ST6GALNAC5: variants seen among roughly 807,000 people sequenced by gnomAD.
ST6GALNAC5 encodes alpha-N-acetylgalactosaminide alpha-2,6-sialyltransferase 5.
In ST6GALNAC5, 27 loss-of-function variants were observed where a neutral mutation model predicts 33.6. The ratio of observed to expected loss-of-function variants is 0.80; its 90% CI spans 0.59 to 1.11. The LOEUF (loss-of-function observed/expected upper bound fraction) is 1.11. Among genes scored for constraint, ST6GALNAC5 ranks in the 50% least tolerant of loss-of-function variants. The pLI is 0.00. For missense variants in ST6GALNAC5, 428 were observed against 454.0 expected, an observed-to-expected ratio of 0.94 and a Z score of 0.52; for synonymous variants, 194 against 171.2, an observed-to-expected ratio of 1.13 and a Z score of -1.04.
At chr1:76,898,589 A>G (rs1383288791) in intron 2 of ST6GALNAC5, among the ~76,000 whole-genome samples, 1 of 152,164 alleles carries the variant, frequency 6.6e-6, no homozygotes, top group East Asian at 1.9e-4. Context: ...CGAGCCATGA[A>G]CTGGGCTGGG....
intron 2 of ST6GALNAC5, among the ~76,000 whole-genome samples, chr1:76,937,477 G>A (rs1018352384): frequency 1.3e-5 from 2 of 152,042 alleles, no homozygotes; most frequent in Non-Finnish European, 2.9e-5. Context: ...ATATTTGATA[G>A]CTTACTGGAA....
chr1:77,021,417 A>G (rs888664570), intron 2 of ST6GALNAC5, among the ~76,000 whole-genome samples: 1 of 152,186 alleles, frequency 6.6e-6, no homozygotes, highest in African/African-American at 2.4e-5. Context: ...ATGATTCCCA[A>G]ATAGTACAGG....
chr1:76,954,903 G>C (rs2100342102), intron 2 of ST6GALNAC5, among the ~76,000 whole-genome samples: 1 of 152,170 alleles, frequency 6.6e-6, no homozygotes, highest in Admixed American at 6.6e-5. Context: ...AAAATGGAGA[G>C]AACTCCAAGA....
chr1:77,056,083 C>T (rs1471035349), intron 4 of ST6GALNAC5, among the ~76,000 whole-genome samples: 1 of 152,192 alleles, frequency 6.6e-6, no homozygotes, highest in Admixed American at 6.5e-5. Context: ...CATCAGCCCC[C>T]ATCCTGCCTG....
chr1:77,011,538 T>C (rs556233708), intron 2 of ST6GALNAC5, among the ~76,000 whole-genome samples: 10 of 152,202 alleles, frequency 6.6e-5, no homozygotes, highest in Admixed American at 1.3e-4. Flanking sequence ...CAATCTCCCA[T>C]TGGTACTTTA....
intron 3 of ST6GALNAC5, among the ~76,000 whole-genome samples, chr1:77,049,433 A>G (rs1314499857): frequency 1.3e-5 from 2 of 152,208 alleles, no homozygotes; most frequent in African/African-American, 4.8e-5. Context: ...GTAGTGTAGC[A>G]TGGTAGGCTG....
Position 76,872,747 on chromosome 1 carries a change from A to G in ST6GALNAC5, c.261+4005A>G, listed in dbSNP as rs140758059. Among the ~76,000 whole-genome samples the G allele has an allele frequency of 8.2e-3, 1,246 of 152,298 alleles. 13 individuals are homozygous for G. The highest frequency in any genetic ancestry group is 0.029 in the African/African-American group (1,201 of 41,562). The stretch of plus-strand genomic sequence containing the variant: ...ATGACATTTGAGTTGTGAATGAATG[A>G]CTGAAATGAATGCTAATCATTTGAA... On this transcript the variant is annotated intron_variant, in intron 2 of 4. Coordinates refer to ENST00000477717, the MANE Select transcript of ST6GALNAC5 (RefSeq NM_030965.3).
chr1:77,019,652 G>A lies in ST6GALNAC5; in HGVS notation c.262-24552G>A, dbSNP rs60359788. 4.3e-3 allele frequency among the ~76,000 whole-genome samples: 653 copies of A among 152,310 alleles called. 7 individuals are homozygous for A. Among genetic ancestry groups the A allele is most frequent in the African/African-American group, 0.015 (618 of 41,560 alleles). On this transcript the variant is annotated intron_variant, in intron 2 of 4. Transcript: ENST00000477717. ...AGCTTTGTGGAATAGTCAGGCCTGA[G>A]TCCTTTGTTCATGCTGATATGAGTA... is the stretch of plus-strand genomic sequence containing the variant.
chr1:76,890,954 T>C (rs989821916), intron 2 of ST6GALNAC5, among the ~76,000 whole-genome samples: 2 of 152,194 alleles, frequency 1.3e-5, no homozygotes, highest in African/African-American at 4.8e-5. Context: ...TCTTTCCAAA[T>C]GAAAACCTCA....
intron 2 of ST6GALNAC5, among the ~76,000 whole-genome samples, chr1:76,978,087 AT>A (rs1231940504): frequency 8.5e-5 from 13 of 152,078 alleles, no homozygotes; most frequent in African/African-American, 3.1e-4. Context: ...GATATTGACC[AT>A]TTTTTGTCAT....
chr1:76,956,864 G>A (rs1165325637), intron 2 of ST6GALNAC5, among the ~76,000 whole-genome samples: 2 of 152,190 alleles, frequency 1.3e-5, no homozygotes, highest in African/African-American at 2.4e-5. Context: ...TTAACATGGG[G>A]TTGGGGAGGT....
intron 2 of ST6GALNAC5, among the ~76,000 whole-genome samples, chr1:76,901,684 C>A (rs576750359): frequency 2.0e-5 from 3 of 152,226 alleles, no homozygotes; most frequent in African/African-American, 7.2e-5. Flanking sequence ...TCCATTTGGT[C>A]CTCTGAACTG....
intron 2 of ST6GALNAC5, among the ~76,000 whole-genome samples, chr1:76,993,182 C>T (rs367776223): frequency 2.2e-4 from 34 of 152,300 alleles, no homozygotes; most frequent in South Asian, 2.1e-3. Flanking sequence ...GATGCCTTTG[C>T]GAACTCTCTA....
chr1:76,994,631 A>G (rs1649855160), intron 2 of ST6GALNAC5, among the ~76,000 whole-genome samples: 1 of 152,170 alleles, frequency 6.6e-6, no homozygotes, highest in Admixed American at 6.5e-5. Context: ...CCTTTTAGAA[A>G]TTAGAGTGTC....
In ST6GALNAC5 at chr1:76,881,562, A is replaced by AT. The variant is rs527388608; in HGVS notation, c.261+12829dup. ...GACAACCAGCTCTTGGAAACCAGGC[A>AT]TTTTTTTTTCTCTCTTTTTCTGTCA... On this transcript the variant is annotated intron_variant, in intron 2 of 4. Transcript: ENST00000477717. 1.6e-3 allele frequency among the ~76,000 whole-genome samples: 250 copies of AT among 151,524 alleles called. 2 individuals are homozygous for AT. Among genetic ancestry groups the AT allele is most frequent in the Non-Finnish European group, 2.8e-3 (189 of 67,848 alleles).
intron 2 of ST6GALNAC5, among the ~76,000 whole-genome samples, chr1:76,960,245 G>T (rs935077241): frequency 6.6e-6 from 1 of 151,908 alleles, no homozygotes; most frequent in Non-Finnish European, 1.5e-5. Flanking sequence ...CTGGGTATCC[G>T]GGGGAGACAT....
At chr1:77,005,262 G>A (rs772977061) in intron 2 of ST6GALNAC5, among the ~76,000 whole-genome samples, 11 of 152,326 alleles carry the variant, frequency 7.2e-5, no homozygotes, top group South Asian at 2.1e-4. Flanking sequence ...TTCCAGGTGC[G>A]TCTGTCACCC....
Position 76,992,677 on chromosome 1 carries a change from G to C in ST6GALNAC5, c.262-51527G>C, listed in dbSNP as rs933433093. ...GCCCAGCTAATTTTTCTATTTCTTT[G>C]TAGAGATGAATTTTCACCATGTTGC... On this transcript the variant is annotated intron_variant, in intron 2 of 4. Coordinates refer to ENST00000477717, the MANE Select transcript of ST6GALNAC5 (RefSeq NM_030965.3). Among the ~76,000 whole-genome samples the C allele has an allele frequency of 2.0e-5, 3 of 151,962 alleles. No individual in the cohort carries two copies. In the South Asian group the frequency reaches 6.2e-4, roughly 32 times the overall value.
At chr1:76,907,388 CT>C (rs2100274475) in intron 2 of ST6GALNAC5, among the ~76,000 whole-genome samples, 2 of 152,244 alleles carry the variant, frequency 1.3e-5, no homozygotes, top group East Asian at 3.9e-4. Context: ...AGAAAAAGCA[CT>C]TGAGGCAGCA....
Sources: gnomAD v4.1 joint callset for allele counts (sites outside exome capture counted in the v4.1 genomes callset) on GRCh38, gnomAD v4.1.1 for gene constraint, MANE v1.5 for transcripts, NCBI Gene and HGNC (gene_info 2026-07-23, HGNC 2026-07-21) for gene names.